The following MDGA2 variants were observed in gnomAD, a reference collection of about 807,000 sequenced individuals.
The protein encoded by MDGA2 is MAM domain-containing glycosylphosphatidylinositol anchor protein 2.
MDGA2 carries 40 observed loss-of-function variants against 117.8 expected under a neutral mutation model. That is an observed-to-expected ratio of 0.34 (90% CI 0.26 to 0.44). MDGA2 has a LOEUF of 0.44. Among genes scored for constraint, MDGA2 ranks in the 20% least tolerant of loss-of-function variants. The pLI is 1.00. For synonymous variants in MDGA2, 452 were observed against 439.0 expected, an observed-to-expected ratio of 1.03 and a Z score of -0.37; for missense variants, 1,123 against 1,250.6, an observed-to-expected ratio of 0.90 and a Z score of 1.54.
chr14:47,141,881 C>A (rs1172566204), intron 4 of MDGA2, among the ~76,000 whole-genome samples: 2 of 151,964 alleles, frequency 1.3e-5, no homozygotes, highest in Admixed American at 6.6e-5. Flanking sequence ...AATGTTCTCA[C>A]CATGAAGAAA....
Position 47,144,262 on chromosome 14 carries a change from G to A in MDGA2, c.608C>T (p.Pro203Leu). 2.6e-6 allele frequency: 4 copies of A among 1,547,168 alleles called. No individual in the cohort carries two copies. Among genetic ancestry groups the A allele is most frequent in the Non-Finnish European group, 3.5e-6 (4 of 1,144,722 alleles). Residue 203 changes from proline to leucine, a missense_variant, in exon 4 of 17, where the codon CCA becomes CTA. Pro to Leu is a moderately conservative substitution (Grantham distance 98). This residue lies in a region of MDGA2 where 890 missense variants were observed against 1,050.3 expected (regional missense o/e 0.85). Transcript: ENST00000399232. ...IRVDVYYLDD[P>L]VVTVHQSIGE... ...TATACTTTGATGAACAGTTACTACT[G>A]GATCATCCAAATCTAAAGGAAATAA...
At chr14:47,620,615 T>A (rs1191618908) in intron 1 of MDGA2, among the ~76,000 whole-genome samples, 1 of 152,208 alleles carries the variant, frequency 6.6e-6, no homozygotes, top group Non-Finnish European at 1.5e-5. Context: ...TATTCCAATT[T>A]CCAAATTATA....
At position 47,218,086 on chromosome 14, in the gene MDGA2, T is replaced by C. The variant is rs551027011; in HGVS notation, c.530A>G (p.Tyr177Cys). The change falls in exon 3 of 17, where the codon TAT (tyrosine) becomes TGT (cysteine). Residue 177 changes from tyrosine (Y) to cysteine (C), a missense_variant. Transcript: ENST00000399232. ...TNIQRHQGGR[Y>C]YCKAENGLGS... ...CAAGCCATTCTCTGCTTTACAGTAA[T>C]ACCGGCCTCCTTGGTGTCGCTGAAT... The C allele has an allele frequency of 2.6e-6, 4 of 1,551,582 alleles. No individual in the cohort carries two copies. The highest frequency in any genetic ancestry group is 3.5e-6 in the Non-Finnish European group (4 of 1,146,760).
At chr14:47,010,407 C>G (rs1887858348) in intron 8 of MDGA2, among the ~76,000 whole-genome samples, 1 of 151,812 alleles carries the variant, frequency 6.6e-6, no homozygotes, top group Admixed American at 6.6e-5. Context: ...TGTATACACT[C>G]TGACGTAAAA....
chr14:47,112,282 C>A (rs1881084075), intron 5 of MDGA2, among the ~76,000 whole-genome samples: 1 of 152,136 alleles, frequency 6.6e-6, no homozygotes, highest in South Asian at 2.1e-4. Flanking sequence ...ATGTGCAGGA[C>A]ATGCAGCTTT....
chr14:47,659,478 CA>C (rs1897805841), intron 1 of MDGA2, among the ~76,000 whole-genome samples: 1 of 152,136 alleles, frequency 6.6e-6, no homozygotes. Flanking sequence ...TCGTCACAGC[CA>C]AAGACATTTA....
chr14:47,306,257 C>T (rs945727550), intron 1 of MDGA2: 77 of 151,812 alleles, frequency 5.1e-4, no homozygotes, highest in African/African-American at 1.8e-3. Flanking sequence ...AAGTTTATAC[C>T]CTGACTAGGT....
chr14:47,242,362 C>T (rs2139608855), intron 2 of MDGA2, among the ~76,000 whole-genome samples: 1 of 152,020 alleles, frequency 6.6e-6, no homozygotes, highest in East Asian at 1.9e-4. Flanking sequence ...AGCCCTTCAG[C>T]CCCCCACTGT....
At position 46,936,602 on chromosome 14, in the gene MDGA2, T is replaced by G. The variant is rs544508987; in HGVS notation, c.2090-16442A>C. Among the ~76,000 whole-genome samples the G allele has an allele frequency of 6.6e-5, 10 of 152,244 alleles. No homozygotes were observed. In the South Asian group the frequency reaches 1.0e-3, roughly 16 times the overall value. On this transcript the variant is annotated intron_variant, in intron 9 of 16. Coordinates refer to ENST00000399232, the MANE Select transcript of MDGA2 (RefSeq NM_001113498.3). ...TGTAATATCAGATACTGAAGGACTTTTCTCTTCCCGTCATATACTGTGGTA... is the reference window on the plus strand; with the variant it reads ...TGTAATATCAGATACTGAAGGACTTGTCTCTTCCCGTCATATACTGTGGTA...
At chr14:47,326,766 G>C (rs1330084113) in intron 1 of MDGA2, among the ~76,000 whole-genome samples, 1 of 151,776 alleles carries the variant, frequency 6.6e-6, no homozygotes, top group Non-Finnish European at 1.5e-5. Context: ...AGGGAAATTG[G>C]TTATGGCTTG....
At position 47,508,296 on chromosome 14, in the gene MDGA2, T is replaced by C. The variant is rs1034741244; in HGVS notation, c.280+166221A>G. On this transcript the variant is annotated intron_variant, in intron 1 of 16. Transcript: ENST00000399232. ...AAGGAGCATGCTTCCTGTAAAAATA[T>C]CTGAGTAATGTAGAGTTAATTAGTG... is the stretch of plus-strand genomic sequence containing the variant. Among the ~76,000 whole-genome samples the C allele has an allele frequency of 6.6e-5, 10 of 151,718 alleles. No individual in the cohort carries two copies. The South Asian group carries it at 8.3e-4, about 13-fold the overall frequency.
At chr14:47,316,251 G>A (rs1382601717) in intron 1 of MDGA2, among the ~76,000 whole-genome samples, 1 of 151,902 alleles carries the variant, frequency 6.6e-6, no homozygotes. Flanking sequence ...TCCATGTATG[G>A]AGCAAACATG....
chr14:46,977,663 A>G (rs1324319263), intron 8 of MDGA2, among the ~76,000 whole-genome samples: 1 of 151,958 alleles, frequency 6.6e-6, no homozygotes, highest in Non-Finnish European at 1.5e-5. Flanking sequence ...TTAAGAAGAC[A>G]AATAGTTTGA....
At chr14:47,339,254 T>A (rs1890549322) in intron 1 of MDGA2, among the ~76,000 whole-genome samples, 3 of 152,154 alleles carry the variant, frequency 2.0e-5, no homozygotes, top group Admixed American at 2.0e-4. Context: ...TTATTTAATA[T>A]TAGTAATATT....
At chr14:47,183,821 C>T (rs1490730483) in intron 3 of MDGA2, among the ~76,000 whole-genome samples, 2 of 151,952 alleles carry the variant, frequency 1.3e-5, no homozygotes, top group African/African-American at 2.4e-5. Flanking sequence ...TCCAGGTCTT[C>T]CTGACATGAA....
rs542968952 is a variant in MDGA2 at position 47,450,326 on chromosome 14, T to C, written c.281-148776A>G. Among the ~76,000 whole-genome samples the C allele has an allele frequency of 3.3e-5, 5 of 152,058 alleles. No homozygotes were observed. In the South Asian group the frequency reaches 8.3e-4, roughly 25 times the overall value. On this transcript the variant is annotated intron_variant, in intron 1 of 16. Transcript: ENST00000399232. The stretch of plus-strand genomic sequence containing the variant: ...AAATCCTTTGAAACACATAAAATAG[T>C]ATCCCCCAAGGCAAAGCAATCAGAA...
rs1029421483 is a variant in MDGA2 at position 47,121,777 on chromosome 14, A to G, written c.925+9937T>C. Among the ~76,000 whole-genome samples the G allele has an allele frequency of 3.3e-5, 5 of 152,200 alleles. No homozygotes were observed. In the East Asian group the frequency reaches 9.7e-4, roughly 29 times the overall value. On this transcript the variant is annotated intron_variant, in intron 5 of 16. Coordinates refer to ENST00000399232, the MANE Select transcript of MDGA2 (RefSeq NM_001113498.3). The stretch of plus-strand genomic sequence containing the variant: ...GGAGAAGAACAGTGGCTAGGTATGC[A>G]TCTTCTCTTAAGTTAGGATAAAATC...
intron 5 of MDGA2, among the ~76,000 whole-genome samples, chr14:47,111,412 A>T (rs959041569): frequency 3.9e-5 from 6 of 152,204 alleles, no homozygotes; most frequent in Non-Finnish European, 7.3e-5. Flanking sequence ...AAGAAGGAAT[A>T]GCATTGATGC....
intron 1 of MDGA2, among the ~76,000 whole-genome samples, chr14:47,440,686 CTGTAGGCTT>C (rs1892990397): frequency 6.6e-6 from 1 of 151,868 alleles, no homozygotes; most frequent in African/African-American, 2.4e-5. Flanking sequence ...CTGTAGGCTT[CTGTAGGCTT>C]CTAGAAATTC....
Sources: gnomAD v4.1 joint callset for allele counts (sites outside exome capture counted in the v4.1 genomes callset) on GRCh38, gnomAD v4.1.1 for gene constraint, gnomAD v4.1.1 regional missense constraint, MANE v1.5 for transcripts, NCBI Gene and HGNC (gene_info 2026-07-23, HGNC 2026-07-21) for gene names.